Variants in SEC63 observed in about 807,000 individuals in gnomAD.
SEC63 encodes the protein SEC63 protein translocation regulator, also known as translocation protein SEC63 homolog.
SEC63 carries 56 observed loss-of-function variants against 116.2 expected under a neutral mutation model. That is an observed-to-expected ratio of 0.48 (90% CI 0.39 to 0.60). The LOEUF (loss-of-function observed/expected upper bound fraction) is 0.60, where lower values mean the gene tolerates loss of function less well. SEC63 is among the 20% of genes least tolerant of loss of function. The pLI is 0.00. For synonymous variants in SEC63, 273 were observed against 294.6 expected (o/e 0.93, Z 0.75); for missense variants, 668 against 900.0 (o/e 0.74, Z 3.30).
At chr6:107,872,713 T>C (rs927431687) in intron 20 of SEC63, 95 bp downstream of exon 20, 24 of 779,368 alleles carry the variant, frequency 3.1e-5, no homozygotes, top group Middle Eastern at 3.7e-4. Context: ...TCTTTTTCCT[T>C]CCATAACTCT....
At chr6:107,937,400 A>T (rs1318804989) in intron 1 of SEC63, among the ~76,000 whole-genome samples, 1 of 152,184 alleles carries the variant, frequency 6.6e-6, no homozygotes, top group Non-Finnish European at 1.5e-5. Context: ...TGCTGGGATT[A>T]CAGGCATGAG....
At chr6:107,923,301 T>C (rs1787599514) in intron 3 of SEC63, among the ~76,000 whole-genome samples, 1 of 152,098 alleles carries the variant, frequency 6.6e-6, no homozygotes, top group Non-Finnish European at 1.5e-5. Flanking sequence ...TTTGTACAGA[T>C]GAGGGTTTCC....
At chr6:107,937,115 T>G (rs948839049) in intron 1 of SEC63, among the ~76,000 whole-genome samples, 15 of 134,328 alleles carry the variant, frequency 1.1e-4, no homozygotes, top group African/African-American at 4.2e-4. Context: ...ACAGTGTATA[T>G]GTACCACATT....
chr6:107,925,502 T>TA (rs1787655152), intron 2 of SEC63, among the ~76,000 whole-genome samples: 1 of 152,212 alleles, frequency 6.6e-6, no homozygotes, highest in Non-Finnish European at 1.5e-5. Flanking sequence ...TAAATAGTTA[T>TA]AGAAGGATGT....
intron 1 of SEC63, among the ~76,000 whole-genome samples, chr6:107,949,472 TATTTAAAAATAAAATAA>T (rs1391412958): frequency 2.8e-4 from 43 of 152,230 alleles, no homozygotes; most frequent in African/African-American, 9.9e-4. Flanking sequence ...ACCCAGTCTC[TATTTAAAAATAAAATAA>T]AATAAAAATT....
At chr6:107,891,525 G>A (rs1786681631) in intron 16 of SEC63, among the ~76,000 whole-genome samples, 1 of 151,914 alleles carries the variant, frequency 6.6e-6, no homozygotes, top group Non-Finnish European at 1.5e-5. Context: ...TAGCTTGGAG[G>A]AGTTTGTTAT....
intron 4 of SEC63, among the ~76,000 whole-genome samples, chr6:107,913,874 A>T (rs1202797825): frequency 6.6e-6 from 1 of 152,232 alleles, no homozygotes. Flanking sequence ...AATTTAATTC[A>T]TAATGGTAGC....
At position 107,883,142 on chromosome 6, in the gene SEC63, G is replaced by A; in HGVS notation, c.1679C>T (p.Ala560Val). The change falls in exon 17 of 21, where the codon GCT becomes GTT. Residue 560 changes from alanine (A) to valine (V), a missense_variant. By Grantham distance (64) the Ala-to-Val change is moderately conservative. This residue lies in a region of SEC63 where 430 missense variants were observed against 557.5 expected (regional missense o/e 0.77). Transcript: ENST00000369002. ...TTCTTCTTCATCTTCCTTTACTGCAGCTTCCTAAAAGGGAAAGGCAAACAC... is the reference window on the plus strand; with the variant it reads ...TTCTTCTTCATCTTCCTTTACTGCAACTTCCTAAAAGGGAAAGGCAAACAC... The part of the protein sequence containing the change: ...KQANGVVGNE[A>V]AVKEDEEEVS... 1 of 1,611,682 alleles carries A rather than the reference G, an allele frequency of 6.2e-7. No individual in the cohort carries two copies. Among genetic ancestry groups the A allele is most frequent in the Non-Finnish European group, 8.5e-7 (1 of 1,179,504 alleles).
intron 16 of SEC63, among the ~76,000 whole-genome samples, chr6:107,887,023 A>C (rs1786545793): frequency 6.6e-6 from 1 of 152,104 alleles, no homozygotes; most frequent in Non-Finnish European, 1.5e-5. Flanking sequence ...TTAAGTCTTA[A>C]GTCTTTAGTC....
chr6:107,933,727 G>C (rs1304973817), intron 1 of SEC63, among the ~76,000 whole-genome samples: 1 of 127,890 alleles, frequency 7.8e-6, no homozygotes, highest in African/African-American at 2.9e-5. Flanking sequence ...CACGGCCCAC[G>C]GTCTCCCTCT....
At chr6:107,927,479 A>T (rs929968415) in intron 2 of SEC63, among the ~76,000 whole-genome samples, 5 of 152,188 alleles carry the variant, frequency 3.3e-5, no homozygotes, top group African/African-American at 1.2e-4. Context: ...TTCAAGATTA[A>T]GTAGTAAAAG....
At chr6:107,930,017 A>G (rs1389873683) in intron 1 of SEC63, 2 of 159,324 alleles carry the variant, frequency 1.3e-5, no homozygotes, top group African/African-American at 4.8e-5. Flanking sequence ...TTAGAGCTGT[A>G]ACATAAAATC....
At chr6:107,880,738 CAGAG>C (rs763603122) in intron 18 of SEC63, among the ~76,000 whole-genome samples, 5 of 152,082 alleles carry the variant, frequency 3.3e-5, no homozygotes, top group Non-Finnish European at 7.4e-5. Flanking sequence ...GCAGGATCCT[CAGAG>C]AGAAAATTTA....
intron 2 of SEC63, among the ~76,000 whole-genome samples, 170 bp from the exon 3 acceptor site, chr6:107,925,102 C>T (rs1787646132): frequency 6.6e-6 from 1 of 152,174 alleles, no homozygotes; most frequent in Non-Finnish European, 1.5e-5. Context: ...ACGACAGTGT[C>T]TTTTTTACCT....
At chr6:107,891,706 T>C (rs1462331459) in intron 16 of SEC63, among the ~76,000 whole-genome samples, 1 of 152,226 alleles carries the variant, frequency 6.6e-6, no homozygotes, top group East Asian at 1.9e-4. Context: ...TTATCTACCT[T>C]TGGTCTTTGA....
intron 1 of SEC63, among the ~76,000 whole-genome samples, chr6:107,940,125 C>G (rs1307183829): frequency 2.0e-5 from 3 of 152,080 alleles, no homozygotes; most frequent in African/African-American, 7.2e-5. Flanking sequence ...ATCCACTACA[C>G]ATACTCTGGC....
chr6:107,886,750 G>A (rs931024514), intron 16 of SEC63, among the ~76,000 whole-genome samples: 29 of 151,718 alleles, frequency 1.9e-4, no homozygotes, highest in African/African-American at 7.0e-4. Context: ...GTAGATTCTG[G>A]CTATCAGCCC....
chr6:107,943,871 A>G (rs1488211000), intron 1 of SEC63, among the ~76,000 whole-genome samples: 1 of 152,242 alleles, frequency 6.6e-6, no homozygotes, highest in Non-Finnish European at 1.5e-5. Flanking sequence ...TTCTAGTCAG[A>G]TTGAGACAGA....
At chr6:107,940,520 G>C (rs1488888469) in intron 1 of SEC63, among the ~76,000 whole-genome samples, 2 of 152,134 alleles carry the variant, frequency 1.3e-5, no homozygotes, top group East Asian at 1.9e-4. Context: ...CTACCCACTA[G>C]ATGCCAGGAA....
Sources: gnomAD v4.1 joint callset for allele counts (sites outside exome capture counted in the v4.1 genomes callset) on GRCh38, gnomAD v4.1.1 for gene constraint, gnomAD v4.1.1 regional missense constraint, MANE v1.5 for transcripts, NCBI Gene and HGNC (gene_info 2026-07-23, HGNC 2026-07-21) for gene names.